SIKE1: variants seen among roughly 807,000 people sequenced by gnomAD.
The protein encoded by SIKE1 is suppressor of IKBKE 1.
In SIKE1, 13 loss-of-function variants were observed where a neutral mutation model predicts 25.8. That is an observed-to-expected ratio of 0.50 (90% confidence interval 0.33 to 0.80). The LOEUF (loss-of-function observed/expected upper bound fraction) is 0.80. SIKE1 is among the 30% of genes least tolerant of loss of function. SIKE1 has a pLI of 0.02. For synonymous variants in SIKE1, 86 were observed against 95.5 expected (o/e 0.90, Z 0.58); for missense variants, 222 against 252.4 (o/e 0.88, Z 0.82).
At position 114,780,591 on chromosome 1, in the gene SIKE1, T is replaced by C. The variant is rs778933224; in HGVS notation, c.17A>G (p.Glu6Gly). 1.9e-5 allele frequency: 30 copies of C among 1,610,442 alleles called. No homozygotes were observed. Among genetic ancestry groups the C allele is most frequent in the Non-Finnish European group, 2.4e-5 (28 of 1,179,852 alleles). ...CGTCTTGGCGTCTGTCAGGATCTTCTCGATGGTGCAGCTCATAGCAGCAGC... is the reference window on the plus strand; with the variant it reads ...CGTCTTGGCGTCTGTCAGGATCTTCCCGATGGTGCAGCTCATAGCAGCAGC... MSCTI[E>G]KILTDAKTLL... Residue 6 changes from glutamate (E) to glycine (G), a missense_variant, in exon 1 of 5, where the codon GAG becomes GGG. By Grantham distance (98) the Glu-to-Gly change is moderately conservative (BLOSUM62 -2). Transcript: ENST00000060969.
rs563145489 is a variant in SIKE1 at position 114,780,345 on chromosome 1, T to C, written c.159+104A>G. Reference sequence around the variant, plus strand: ...CAGGAAAATGGTCTCACCGCCGCCCTCTGAGACCGGGAATAAATTCCAGGC... The same window carrying C: ...CAGGAAAATGGTCTCACCGCCGCCCCCTGAGACCGGGAATAAATTCCAGGC... On this transcript the variant is annotated intron_variant, in intron 1 of 4. Coordinates refer to ENST00000060969, the MANE Select transcript of SIKE1 (RefSeq NM_025073.3). 1.9e-6 allele frequency: 3 copies of C among 1,600,378 alleles called. No individual in the cohort carries two copies. The African/African-American group carries it at 4.0e-5, about 21-fold the overall frequency.
intron 3 of SIKE1, among the ~76,000 whole-genome samples, chr1:114,777,256 CA>C (rs1335860723): frequency 6.6e-6 from 1 of 151,284 alleles, no homozygotes; most frequent in African/African-American, 2.4e-5. Context: ...AAAAAACAAA[CA>C]AAAAAAAGGC....
At chr1:114,779,089 A>G in intron 3 of SIKE1, 53 bp downstream of exon 3, 1 of 1,605,100 alleles carries the variant, frequency 6.2e-7, no homozygotes, top group Non-Finnish European at 8.5e-7. Flanking sequence ...ACAATCTAAA[A>G]CAATCTCAAG....
intron 3 of SIKE1, chr1:114,778,858 T>C (rs1014208018): frequency 2.4e-6 from 1 of 410,242 alleles, no homozygotes; most frequent in Non-Finnish European, 4.4e-6. Context: ...AAATGTCATC[T>C]CTACCAAAAA....
chr1:114,776,321 G>C, intron 4 of SIKE1, 25 bp downstream of exon 4: 1 of 1,373,194 alleles, frequency 7.3e-7, no homozygotes, highest in Non-Finnish European at 1.0e-6. Flanking sequence ...GAAATACTGT[G>C]AACCTAAATT....
chr1:114,780,094 A>T lies in SIKE1; in HGVS notation c.265+16T>A, dbSNP rs1662358378. The T allele has an allele frequency of 6.3e-7, 1 of 1,578,932 alleles. No homozygotes were observed. The highest frequency in any genetic ancestry group is 8.7e-7 in the Non-Finnish European group (1 of 1,153,738). ...TAACTTTAAACTATTACCAGATATGAAAAGGCCTGACTAACCTCTGTTTTC... is the reference window on the plus strand; with the variant it reads ...TAACTTTAAACTATTACCAGATATGTAAAGGCCTGACTAACCTCTGTTTTC... On this transcript the variant is annotated intron_variant, in intron 2 of 4. Transcript: ENST00000060969.
chr1:114,774,418 A>G lies in SIKE1; in HGVS notation c.523-46T>C, dbSNP rs537964994. The G allele has an allele frequency of 5.4e-6, 7 of 1,295,796 alleles. No homozygotes were observed. In the South Asian group the frequency reaches 6.2e-5, roughly 12 times the overall value. 80.3% of individuals were successfully genotyped at this position (1,295,796 alleles called of 1,614,324 possible). A position where few individuals can be genotyped will look rare whatever the true frequency, so the allele number is the denominator to read the frequency against. The stretch of plus-strand genomic sequence containing the variant: ...TTATTTCTGGTATTTTTACTGTCCA[A>G]CTGCATTACAACAACACATTATTTT... On this transcript the variant is annotated intron_variant, in intron 4 of 4. Coordinates refer to ENST00000060969, the MANE Select transcript of SIKE1 (RefSeq NM_025073.3).
intron 4 of SIKE1, among the ~76,000 whole-genome samples, chr1:114,774,808 G>A (rs1662167550): frequency 6.6e-6 from 1 of 152,166 alleles, no homozygotes; most frequent in Non-Finnish European, 1.5e-5. Context: ...AAGGAAAGGG[G>A]GAAAGAAATT....
chr1:114,776,881 G>A (rs76506607), intron 3 of SIKE1, among the ~76,000 whole-genome samples: 111 of 152,128 alleles, frequency 7.3e-4, no homozygotes, highest in Admixed American at 2.1e-3. Flanking sequence ...ACTGGATTAA[G>A]AAAATGTGGC....
At position 114,776,471 on chromosome 1, in the gene SIKE1, T is replaced by C; in HGVS notation, c.409-12A>G. On this transcript the variant is annotated splice_polypyrimidine_tract_variant and intron_variant, in intron 3 of 4. Coordinates refer to ENST00000060969, the MANE Select transcript of SIKE1 (RefSeq NM_025073.3). Reference sequence around the variant, plus strand: ...TGACTCTCAATTTCCTGTGAAGATATTAAGGAAACAAAGGTGGAAAAATCA... The same window carrying C: ...TGACTCTCAATTTCCTGTGAAGATACTAAGGAAACAAAGGTGGAAAAATCA... 1 of 1,551,086 alleles carries C rather than the reference T, an allele frequency of 6.4e-7. No homozygotes were observed. The highest frequency in any genetic ancestry group is 1.4e-5 in the African/African-American group (1 of 73,830).
Position 114,774,265 on chromosome 1 carries a change from G to A in SIKE1, c.*6C>T. 1.3e-6 allele frequency: 2 copies of A among 1,599,238 alleles called. No individual in the cohort carries two copies. Among genetic ancestry groups the A allele is most frequent in the South Asian group, 1.1e-5 (1 of 89,892 alleles). On this transcript the variant is annotated 3_prime_UTR_variant, in exon 5 of 5. Transcript: ENST00000060969. ...AGACAATCTCCAGCCATCATTCAGA[G>A]TTCAGTTATTTGATGGCTTGGGAAG... is the stretch of plus-strand genomic sequence containing the variant.
chr1:114,775,028 G>T (rs1662172307), intron 4 of SIKE1, among the ~76,000 whole-genome samples: 1 of 152,188 alleles, frequency 6.6e-6, no homozygotes, highest in African/African-American at 2.4e-5. Context: ...TCTACTTGAA[G>T]TATTAAGGTA....
At chr1:114,778,330 T>C (rs1303541872) in intron 3 of SIKE1, among the ~76,000 whole-genome samples, 1 of 152,190 alleles carries the variant, frequency 6.6e-6, no homozygotes, top group Non-Finnish European at 1.5e-5. Flanking sequence ...TAAAAAACCA[T>C]ACTTCTCTCC....
In SIKE1 at chr1:114,773,591, C is replaced by A. The variant is rs932175937; in HGVS notation, c.*680G>T. The A allele has an allele frequency of 6.6e-6, 1 of 152,570 alleles. No individual in the cohort carries two copies. The highest frequency in any genetic ancestry group is 2.4e-5 in the African/African-American group (1 of 41,450). 9.5% of individuals were successfully genotyped at this position (152,570 alleles called of 1,614,324 possible). A position where few individuals can be genotyped will look rare whatever the true frequency, so the allele number is the denominator to read the frequency against. ...ATTCACATACACAGGACAAGCTCCT[C>A]AGCTTTGAACAATATGAACTTTGGA... On this transcript the variant is annotated 3_prime_UTR_variant, in exon 5 of 5. Transcript: ENST00000060969.
intron 3 of SIKE1, among the ~76,000 whole-genome samples, chr1:114,778,466 G>C (rs892347869): frequency 2.0e-5 from 3 of 152,202 alleles, no homozygotes; most frequent in African/African-American, 7.2e-5. Flanking sequence ...AGGAGCTTAA[G>C]TTAAATGTAT....
intron 3 of SIKE1, among the ~76,000 whole-genome samples, chr1:114,778,714 G>A (rs1050795775): frequency 2.0e-5 from 3 of 152,088 alleles, no homozygotes; most frequent in African/African-American, 7.2e-5. Flanking sequence ...AGGAAAATGA[G>A]CTTACTTTTC....
In SIKE1 at chr1:114,779,230, T is replaced by G; in HGVS notation, c.320A>C (p.Lys107Thr). 3 of 1,614,226 alleles carry G rather than the reference T, an allele frequency of 1.9e-6. No homozygotes were observed. Among genetic ancestry groups the G allele is most frequent in the Non-Finnish European group, 2.5e-6 (3 of 1,180,034 alleles). The change falls in exon 3 of 5, where the codon AAA becomes ACA. Residue 107 changes from lysine (K) to threonine (T), a missense_variant. Physicochemically the swap from Lys to Thr is moderately conservative, Grantham distance 78. Transcript: ENST00000060969. ...HQDALELIMS[K>T]YRKQMLQLMV... is the part of the protein sequence containing the mutation. ...TAACTGTAACATCTGTTTCCGATAT[T>G]TGCTCATGATAAGTTCCAAAGCATC... is the stretch of plus-strand genomic sequence containing the variant.
chr1:114,780,555 C>A lies in SIKE1; in HGVS notation c.53G>T (p.Arg18Met), dbSNP rs776607162. The stretch of plus-strand genomic sequence containing the variant: ...GGCGGCCGCATCGTGCTCCCGTAGC[C>A]TCTCCAGCAGCGTCTTGGCGTCTGT... Reference protein sequence around the residue: ...ILTDAKTLLERLREHDAAAES... With the variant: ...ILTDAKTLLEMLREHDAAAES... Residue 18 changes from arginine to methionine, a missense_variant, in exon 1 of 5, where the codon AGG becomes ATG. Physicochemically the swap from Arg to Met is moderately conservative, Grantham distance 91. Coordinates refer to ENST00000060969, the MANE Select transcript of SIKE1 (RefSeq NM_025073.3). 6.2e-7 allele frequency: 1 copy of A among 1,614,040 alleles called. No homozygotes were observed. Among genetic ancestry groups the A allele is most frequent in the Non-Finnish European group, 8.5e-7 (1 of 1,180,024 alleles).
At chr1:114,778,064 A>C (rs903696410) in intron 3 of SIKE1, among the ~76,000 whole-genome samples, 3 of 152,224 alleles carry the variant, frequency 2.0e-5, no homozygotes, top group Non-Finnish European at 4.4e-5. Flanking sequence ...CTTCCAGATG[A>C]AAGCCATTCA....
Sources: gnomAD v4.1 joint callset for allele counts (sites outside exome capture counted in the v4.1 genomes callset) on GRCh38, gnomAD v4.1.1 for gene constraint, MANE v1.5 for transcripts, NCBI Gene and HGNC (gene_info 2026-07-23, HGNC 2026-07-21) for gene names.